Variants in COL27A1 observed in about 807,000 individuals in gnomAD.
The protein encoded by COL27A1 is collagen alpha-1(XXVII) chain.
A neutral mutation model predicts 251.3 loss-of-function variants in COL27A1; 106 were observed. That is an observed-to-expected ratio of 0.42 (90% CI 0.36 to 0.50). COL27A1 has a LOEUF of 0.50. COL27A1 is among the 20% of genes least tolerant of loss of function. COL27A1 has a pLI of 0.00. For synonymous variants in COL27A1, 1,000 were observed against 986.3 expected (o/e 1.01, Z -0.26); for missense variants, 2,325 against 2,522.8 (o/e 0.92, Z 1.68).
At chr9:114,211,146 G>T in intron 12 of COL27A1, 120 bp downstream of exon 12, 1 of 1,060,832 alleles carries the variant, frequency 9.4e-7, no homozygotes, top group East Asian at 2.4e-5. Flanking sequence ...TTGAGTGTGG[G>T]GGCCGCATGT....
Position 114,237,552 on chromosome 9 carries a change from G to GCA in COL27A1, c.2674-107_2674-106dup, listed in dbSNP as rs1832481449. 3.3e-6 allele frequency: 3 copies of GCA among 896,952 alleles called. No homozygotes were observed. In the South Asian group the frequency reaches 4.1e-5, roughly 12 times the overall value. The allele number at this position is 896,952 out of a possible 1,614,324, so 55.6% of individuals were successfully genotyped here. Reference sequence around the variant, plus strand: ...TTCTAGTTGTCCAGGCAGATTTTATGCACATGCTTCTGAACTTTCCAACCA... The same window carrying GCA: ...TTCTAGTTGTCCAGGCAGATTTTATGCACACATGCTTCTGAACTTTCCAACCA... On this transcript the variant is annotated intron_variant, in intron 18 of 60. Coordinates refer to ENST00000356083, the MANE Select transcript of COL27A1 (RefSeq NM_032888.4).
intron 22 of COL27A1, among the ~76,000 whole-genome samples, chr9:114,243,007 A>G (rs1395688055): frequency 1.3e-5 from 2 of 152,156 alleles, no homozygotes; most frequent in African/African-American, 2.4e-5. Context: ...CACTGACAAT[A>G]TTGCGCGCCA....
chr9:114,278,732 C>T (rs1835720235), intron 37 of COL27A1, among the ~76,000 whole-genome samples: 1 of 151,640 alleles, frequency 6.6e-6, no homozygotes, highest in African/African-American at 2.4e-5. Context: ...TTCTCATATG[C>T]CGGGATTGGA....
intron 37 of COL27A1, among the ~76,000 whole-genome samples, chr9:114,276,608 AAAAC>A (rs1435970835): frequency 1.3e-5 from 2 of 152,244 alleles, no homozygotes; most frequent in African/African-American, 4.8e-5. Context: ...TTGTCACAAA[AAAAC>A]AAACAAACAA....
At chr9:114,270,505 C>T (rs898705271) in intron 35 of COL27A1, among the ~76,000 whole-genome samples, 9 of 152,196 alleles carry the variant, frequency 5.9e-5, no homozygotes, top group Non-Finnish European at 1.0e-4. Context: ...GGGGTCTGCT[C>T]CCCTTTTCTG....
intron 41 of COL27A1, among the ~76,000 whole-genome samples, chr9:114,288,076 C>T (rs1483507200): frequency 2.0e-5 from 3 of 152,174 alleles, no homozygotes; most frequent in African/African-American, 7.2e-5. Context: ...CCCTTCACCC[C>T]ACCCCACTCC....
intron 12 of COL27A1, among the ~76,000 whole-genome samples, chr9:114,213,296 C>T (rs1830485776): frequency 6.6e-6 from 1 of 152,152 alleles, no homozygotes; most frequent in East Asian, 1.9e-4. Flanking sequence ...CTACTCCATC[C>T]TCTGCATCCT....
chr9:114,242,275 A>C (rs1343085424), intron 22 of COL27A1, 44 bp downstream of exon 22: 2 of 1,569,236 alleles, frequency 1.3e-6, no homozygotes, highest in Non-Finnish European at 1.7e-6. Context: ...ATGGGAGCTG[A>C]GCCAGCTGTG....
At chr9:114,203,400 T>C (rs1044127055) in intron 7 of COL27A1, among the ~76,000 whole-genome samples, 1 of 152,196 alleles carries the variant, frequency 6.6e-6, no homozygotes. Context: ...CATGTTATAA[T>C]TGAGGAAAAT....
rs1421670099 is a variant in COL27A1 at position 114,275,776 on chromosome 9, T to C, written c.3717+8T>C. On this transcript the variant is annotated splice_region_variant and intron_variant, in intron 37 of 60. Transcript: ENST00000356083. ...GGCGTCACTGGTGTCCGGGTGAGTG[T>C]GCAGGCCCCTTGCAGCGCCTGGAGC... 16 of 1,526,842 alleles carry C rather than the reference T, an allele frequency of 1.0e-5. No homozygotes were observed. The highest frequency in any genetic ancestry group is 1.7e-4 in the Middle Eastern group (1 of 5,950). 94.6% of individuals were successfully genotyped at this position (1,526,842 alleles called of 1,614,324 possible).
chr9:114,309,393 A>G lies in COL27A1; in HGVS notation c.5351A>G (p.Gln1784Arg), dbSNP rs761399436. ...GGCACTGGGCAGACCCCAGCCAAGC[A>G]GGCCGTACGCTTCCGGGCCTGGAAT... ...QEGTGQTPAK[Q>R]AVRFRAWNGQ... The change falls in exon 60 of 61, where the codon CAG becomes CGG. Residue 1784 changes from glutamine (Q) to arginine (R), a missense_variant. By Grantham distance (43) the Gln-to-Arg change is conservative. This residue lies in a region of COL27A1 where 327 missense variants were observed against 442.8 expected (regional missense o/e 0.74). Transcript: ENST00000356083. The G allele has an allele frequency of 5.0e-6, 8 of 1,614,006 alleles. No homozygotes were observed. The highest frequency in any genetic ancestry group is 5.9e-6 in the Non-Finnish European group (7 of 1,180,050).
chr9:114,295,318 T>A (rs1256895411), intron 49 of COL27A1, among the ~76,000 whole-genome samples: 2 of 152,234 alleles, frequency 1.3e-5, no homozygotes, highest in Non-Finnish European at 2.9e-5. Context: ...AGATATATAC[T>A]GTGTGCATAT....
chr9:114,206,066 C>T (rs1473178764), intron 9 of COL27A1, among the ~76,000 whole-genome samples, 186 bp from the exon 10 acceptor site: 1 of 152,136 alleles, frequency 6.6e-6, no homozygotes, highest in African/African-American at 2.4e-5. Flanking sequence ...CAGTCTCCCT[C>T]CTACCCACCA....
intron 27 of COL27A1, among the ~76,000 whole-genome samples, chr9:114,257,524 G>A (rs1588791507): frequency 2.0e-5 from 3 of 152,232 alleles, no homozygotes; most frequent in South Asian, 2.1e-4. Context: ...CAGGTGCCGA[G>A]AATTCCAAGA....
At chr9:114,205,486 T>G (rs1378309918) in intron 8 of COL27A1, among the ~76,000 whole-genome samples, 1 of 152,178 alleles carries the variant, frequency 6.6e-6, no homozygotes, top group Non-Finnish European at 1.5e-5. Context: ...CTGGCCCAAG[T>G]GAAACAGCAG....
intron 45 of COL27A1, 99 bp downstream of exon 45, chr9:114,289,394 C>G (rs922273650): frequency 8.1e-7 from 1 of 1,237,076 alleles, no homozygotes; most frequent in East Asian, 2.7e-5. Flanking sequence ...GCAGAGGCTG[C>G]GAGGCAGGGT....
intron 37 of COL27A1, among the ~76,000 whole-genome samples, chr9:114,278,636 GTGGTGATGATGA>G (rs1432763673): frequency 1.3e-5 from 2 of 150,602 alleles, no homozygotes; most frequent in Non-Finnish European, 3.0e-5. Flanking sequence ...GGCGTAGGTA[GTGGTGATGATGA>G]TGGTGATGAT....
chr9:114,260,332 A>T (rs1834231497), intron 28 of COL27A1, among the ~76,000 whole-genome samples: 1 of 152,158 alleles, frequency 6.6e-6, no homozygotes, highest in South Asian at 2.1e-4. Flanking sequence ...AGGAATGCAC[A>T]ACCTATGAGA....
chr9:114,292,313 A>C, intron 49 of COL27A1, 103 bp downstream of exon 49: 1 of 941,446 alleles, frequency 1.1e-6, no homozygotes, highest in Non-Finnish European at 1.6e-6. Context: ...ACACACACAA[A>C]CACACTGACC....
Sources: gnomAD v4.1 joint callset for allele counts (sites outside exome capture counted in the v4.1 genomes callset) on GRCh38, gnomAD v4.1.1 for gene constraint, gnomAD v4.1.1 regional missense constraint, MANE v1.5 for transcripts, NCBI Gene and HGNC (gene_info 2026-07-23, HGNC 2026-07-21) for gene names.